Variants in PCDHA4 observed in about 807,000 individuals in gnomAD.
PCDHA4 encodes the protein protocadherin alpha 4, also known as protocadherin alpha-4.
PCDHA4 carries 49 observed loss-of-function variants against 61.4 expected under a neutral mutation model. That is an observed-to-expected ratio of 0.80 (90% CI 0.63 to 1.01). The LOEUF (loss-of-function observed/expected upper bound fraction) is 1.01, where lower values mean the gene tolerates loss of function less well. Ranked by LOEUF, PCDHA4 falls within the 50% of genes least tolerant of loss-of-function variation. The probability of loss-of-function intolerance (pLI) is 0.00; values close to 1 mark genes in which losing one functional copy is unlikely to be tolerated. For synonymous variants in PCDHA4, 590 were observed against 550.3 expected (o/e 1.07, Z -1.01); for missense variants, 1,254 against 1,235.8 (o/e 1.01, Z -0.22).
chr5:140,835,970 G>A, intron 1 of PCDHA4: 1 of 1,613,320 alleles, frequency 6.2e-7, no homozygotes, highest in Non-Finnish European at 8.5e-7. Flanking sequence ...AGGAGCTGGA[G>A]CTGTTGCAGT....
intron 3 of PCDHA4, among the ~76,000 whole-genome samples, chr5:141,006,960 G>A (rs1183082923): frequency 6.6e-6 from 1 of 152,184 alleles, no homozygotes; most frequent in Non-Finnish European, 1.5e-5. Flanking sequence ...TTATACATGA[G>A]ATTGGAGCAC....
At chr5:140,928,986 C>G (rs2085702741) in intron 1 of PCDHA4, 1 of 1,613,874 alleles carries the variant, frequency 6.2e-7, no homozygotes, top group East Asian at 2.2e-5. Flanking sequence ...TTCTGGGGTG[C>G]TTACTTTTCT....
rs782703183 is a variant in PCDHA4 at position 140,882,765 on chromosome 5, C to A, written c.2385+73193C>A. On this transcript the variant is annotated intron_variant, in intron 1 of 3. Transcript: ENST00000530339. ...TCCGATGCAGATATTGGAGTAAACT[C>A]GGCATTGACCTACCGACTGGATCCC... 1.5e-5 allele frequency: 25 copies of A among 1,614,104 alleles called. No individual in the cohort carries two copies. In the South Asian group the frequency reaches 2.7e-4, roughly 18 times the overall value.
intron 1 of PCDHA4, chr5:140,850,632 C>T (rs2150491641): frequency 6.3e-7 from 1 of 1,598,646 alleles, no homozygotes. Flanking sequence ...CCTGTTGGTT[C>T]TCACGCTGCT....
In PCDHA4 at chr5:140,808,189, T is replaced by C. The variant is rs1764117121; in HGVS notation, c.1002T>C (p.Cys334=). The C allele has an allele frequency of 1.9e-6, 3 of 1,614,240 alleles. No individual in the cohort carries two copies. The highest frequency in any genetic ancestry group is 2.5e-6 in the Non-Finnish European group (3 of 1,180,038). ...DKGQLPLSGH[C]RVIVEVEDNN... is the part of the protein sequence containing the mutation. Reference sequence around the variant, plus strand: ...GACAGCTCCCACTTTCTGGCCATTGTAGAGTTATTGTGGAAGTAGAAGACA... The same window carrying C: ...GACAGCTCCCACTTTCTGGCCATTGCAGAGTTATTGTGGAAGTAGAAGACA... Residue 334 remains cysteine, a synonymous_variant, in exon 1 of 4, where the codon TGT becomes TGC. Transcript: ENST00000530339.
chr5:140,880,822 A>T (rs893258483), intron 1 of PCDHA4, among the ~76,000 whole-genome samples: 2 of 152,206 alleles, frequency 1.3e-5, no homozygotes, highest in Non-Finnish European at 2.9e-5. Flanking sequence ...GAGTGTCTGG[A>T]AGGGCATATT....
chr5:140,890,294 G>A (rs1554184246), intron 1 of PCDHA4, among the ~76,000 whole-genome samples: 1 of 152,132 alleles, frequency 6.6e-6, no homozygotes, highest in Non-Finnish European at 1.5e-5. Flanking sequence ...GTCAGAACCA[G>A]GAGAGGTAAT....
chr5:140,828,352 T>C (rs1222673665), intron 1 of PCDHA4: 1 of 1,614,116 alleles, frequency 6.2e-7, no homozygotes, highest in African/African-American at 1.3e-5. Flanking sequence ...TGTTTGTGAA[T>C]TCTCGGATCG....
intron 1 of PCDHA4, among the ~76,000 whole-genome samples, chr5:140,954,349 G>A (rs554018151): frequency 2.0e-4 from 31 of 152,312 alleles, no homozygotes; most frequent in Admixed American, 1.8e-3. Flanking sequence ...AGATCTTTGA[G>A]GAATCGCCAC....
chr5:140,981,350 G>T (rs2096928266), intron 2 of PCDHA4, among the ~76,000 whole-genome samples: 1 of 152,168 alleles, frequency 6.6e-6, no homozygotes. Flanking sequence ...GAGGCAGGTG[G>T]ATCACTTGAG....
chr5:140,966,699 C>A, intron 1 of PCDHA4: 1 of 1,361,588 alleles, frequency 7.3e-7, no homozygotes, highest in Non-Finnish European at 9.4e-7. Context: ...GGGGCCCGGG[C>A]GTGGGGCACG....
At chr5:140,988,093 G>C (rs17119334) in intron 3 of PCDHA4, among the ~76,000 whole-genome samples, 1 of 152,036 alleles carries the variant, frequency 6.6e-6, no homozygotes, top group Non-Finnish European at 1.5e-5. Flanking sequence ...GTGCAGCCTC[G>C]GGCCTTGTTG....
chr5:140,982,526 T>A lies in PCDHA4; in HGVS notation c.2496T>A (p.Pro832=). Residue 832 remains proline (P), a synonymous_variant, in exon 3 of 4, where the codon CCT becomes CCA. Coordinates refer to ENST00000530339, the MANE Select transcript of PCDHA4 (RefSeq NM_018907.4). ...TTCTACGGGCTGGTCCAGGAGGGCC[T>A]GATCAGCAGTGGCCAACAGTATCCA... ...AGILRAGPGG[P]DQQWPTVSSA... is the part of the protein sequence containing the mutation. 1.2e-6 allele frequency: 2 copies of A among 1,614,192 alleles called. No individual in the cohort carries two copies. Among genetic ancestry groups the A allele is most frequent in the Non-Finnish European group, 1.7e-6 (2 of 1,180,028 alleles).
intron 1 of PCDHA4, chr5:140,822,289 A>T: frequency 1.2e-6 from 2 of 1,614,240 alleles, no homozygotes; most frequent in Admixed American, 1.7e-5. Flanking sequence ...ATACAGGTTA[A>T]ATCCAAACGA....
At chr5:140,868,071 TTTTA>T (rs2050265335) in intron 1 of PCDHA4, 1 of 152,116 alleles carries the variant, frequency 6.6e-6, no homozygotes. Flanking sequence ...TTCAGGGTGA[TTTTA>T]TTTATTTTAT....
At chr5:140,989,723 G>A (rs2097356372) in intron 3 of PCDHA4, among the ~76,000 whole-genome samples, 1 of 152,180 alleles carries the variant, frequency 6.6e-6, no homozygotes, top group African/African-American at 2.4e-5. Flanking sequence ...CAGCTTTGCA[G>A]TTGAAAAGGC....
chr5:140,879,055 A>C (rs1048447920), intron 1 of PCDHA4, among the ~76,000 whole-genome samples: 2 of 152,214 alleles, frequency 1.3e-5, no homozygotes, highest in Non-Finnish European at 2.9e-5. Context: ...ACAACATTTT[A>C]CCAAGAAAGT....
intron 1 of PCDHA4, chr5:140,827,965 TGC>T: frequency 7.5e-7 from 1 of 1,335,940 alleles, no homozygotes; most frequent in South Asian, 1.4e-5. Context: ...CTTCTATTAC[TGC>T]ATCATTCCCT....
chr5:140,821,769 G>A, intron 1 of PCDHA4: 1 of 1,602,728 alleles, frequency 6.2e-7, no homozygotes, highest in South Asian at 1.1e-5. Flanking sequence ...ATTGGAACGA[G>A]ATTGAGATGG....
Sources: gnomAD v4.1 joint callset for allele counts (sites outside exome capture counted in the v4.1 genomes callset) on GRCh38, gnomAD v4.1.1 for gene constraint, MANE v1.5 for transcripts, NCBI Gene and HGNC (gene_info 2026-07-23, HGNC 2026-07-21) for gene names.